The following RPAP3 variants were observed in gnomAD, a reference collection of about 807,000 sequenced individuals.
RPAP3 encodes RNA polymerase II-associated protein 3.
A neutral mutation model predicts 88.8 loss-of-function variants in RPAP3; 58 were observed. The observed-to-expected ratio is 0.65, with a 90% CI of 0.53 to 0.81. The LOEUF is 0.81. RPAP3 is among the 40% of genes least tolerant of loss of function. The probability of loss-of-function intolerance (pLI) is 0.00; values close to 1 mark genes in which losing one functional copy is unlikely to be tolerated. For missense variants in RPAP3, 751 were observed against 764.3 expected, an observed-to-expected ratio of 0.98 and a Z score of 0.20; for synonymous variants, 255 against 259.9, an observed-to-expected ratio of 0.98 and a Z score of 0.18.
chr12:47,666,275 A>T (rs1413300036), intron 16 of RPAP3, among the ~76,000 whole-genome samples: 2 of 152,230 alleles, frequency 1.3e-5, no homozygotes, highest in Admixed American at 1.3e-4. Flanking sequence ...GTGATGTGGA[A>T]ATAAAAAAGA....
At chr12:47,678,737 A>T (rs112834082) in intron 12 of RPAP3, among the ~76,000 whole-genome samples, 1 of 152,358 alleles carries the variant, frequency 6.6e-6, no homozygotes, top group African/African-American at 2.4e-5. Context: ...ATCATTAAAA[A>T]GTCAGGAAAC....
At chr12:47,701,033 G>A (rs1431876747) in intron 3 of RPAP3, among the ~76,000 whole-genome samples, 2 of 152,072 alleles carry the variant, frequency 1.3e-5, no homozygotes, top group African/African-American at 4.8e-5. Context: ...CTTAATTGCG[G>A]CTGGGTTATC....
intron 12 of RPAP3, among the ~76,000 whole-genome samples, chr12:47,671,441 ACTT>A (rs1228416742): frequency 1.3e-5 from 2 of 152,214 alleles, no homozygotes; most frequent in Non-Finnish European, 2.9e-5. Context: ...AAATATAAGC[ACTT>A]CTTCTTCTGC....
At chr12:47,670,023 C>A in intron 13 of RPAP3, 84 bp downstream of exon 13, 2 of 902,752 alleles carry the variant, frequency 2.2e-6, no homozygotes, top group Admixed American at 2.0e-5. Flanking sequence ...ATGATGAGTA[C>A]AAATCAGAAG....
intron 3 of RPAP3, chr12:47,700,167 T>C (rs1275647009): frequency 6.6e-6 from 1 of 152,032 alleles, no homozygotes; most frequent in Non-Finnish European, 1.5e-5. Context: ...GGTGTACACT[T>C]GAGTAAAAAT....
intron 14 of RPAP3, among the ~76,000 whole-genome samples, chr12:47,668,282 G>A (rs549803789): frequency 5.3e-5 from 8 of 152,282 alleles, no homozygotes; most frequent in South Asian, 4.1e-4. Flanking sequence ...ATAGAAGAAT[G>A]AAAGTTACAG....
intron 7 of RPAP3, 117 bp from the exon 8 acceptor site, chr12:47,688,118 CAAAA>C (rs1054115388): frequency 2.2e-6 from 2 of 900,416 alleles, no homozygotes; most frequent in African/African-American, 1.7e-5. Context: ...TTTAAATAAT[CAAAA>C]TAACATTTTC....
Position 47,670,273 on chromosome 12 carries a change from T to TA in RPAP3, c.1359dup (p.Thr454TyrfsTer8), listed in dbSNP as rs1356030616. ...GGATTATTCTCTGGAGCAGCAGCAGTAGTGCTATCTGGCACATCAATAGTC... is the reference window on the plus strand; with the variant it reads ...GGATTATTCTCTGGAGCAGCAGCAGTAAGTGCTATCTGGCACATCAATAGTC... On this transcript the variant is annotated frameshift_variant, in exon 13 of 17. Coordinates refer to ENST00000005386, the MANE Select transcript of RPAP3 (RefSeq NM_024604.3). LOFTEE classifies it high-confidence loss of function. 6.2e-7 allele frequency: 1 copy of TA among 1,613,502 alleles called. No individual in the cohort carries two copies. The highest frequency in any genetic ancestry group is 1.7e-5 in the Admixed American group (1 of 60,004).
chr12:47,677,480 T>C (rs1052716043), intron 12 of RPAP3, among the ~76,000 whole-genome samples: 9 of 152,112 alleles, frequency 5.9e-5, no homozygotes, highest in African/African-American at 1.2e-4. Context: ...CATGATTGTA[T>C]ATTTAGAAAA....
chr12:47,679,562 G>A lies in RPAP3; in HGVS notation c.1218C>T (p.Val406=). 1 of 1,606,202 alleles carries A rather than the reference G, an allele frequency of 6.2e-7. No homozygotes were observed. Residue 406 remains valine (V), a synonymous_variant, in exon 12 of 17, where the codon GTC becomes GTT. Transcript: ENST00000005386. ...ELIEKGHWDD[V]FLDSTQRQNV... ...TTTGTCTTTGTGTGGAATCAAGAAA[G>A]ACATCATCCCAGTGTCCTTTCTCAA...
At chr12:47,701,379 T>C (rs776043744) in intron 3 of RPAP3, 85 bp downstream of exon 3, 7 of 976,668 alleles carry the variant, frequency 7.2e-6, no homozygotes, top group African/African-American at 1.7e-5. Flanking sequence ...AACTCTACAT[T>C]ATTTTTCACT....
chr12:47,669,040 A>G lies in RPAP3; in HGVS notation c.1589T>C (p.Ile530Thr), dbSNP rs773883246. 5.0e-6 allele frequency: 8 copies of G among 1,613,818 alleles called. No homozygotes were observed. The highest frequency in any genetic ancestry group is 6.8e-6 in the Non-Finnish European group (8 of 1,179,852). The change falls in exon 14 of 17, where the codon ATA becomes ACA. Residue 530 changes from isoleucine (I) to threonine (T), a missense_variant. Ile to Thr is a moderately conservative substitution (Grantham distance 89, BLOSUM62 -1). Transcript: ENST00000005386. Reference sequence around the variant, plus strand: ...GGCAAACTGAGCAGGTTTTTGTTCTATCTCTATGGGCATTTTCTCGCTGTA... The same window carrying G: ...GGCAAACTGAGCAGGTTTTTGTTCTGTCTCTATGGGCATTTTCTCGCTGTA... ...QSYSEKMPIE[I>T]EQKPAQFATT...
chr12:47,670,994 T>A (rs1938986383), intron 12 of RPAP3, among the ~76,000 whole-genome samples: 1 of 152,178 alleles, frequency 6.6e-6, no homozygotes, highest in Non-Finnish European at 1.5e-5. Context: ...AGCAGCTGGA[T>A]AAAACTAGCC....
In RPAP3 at chr12:47,701,602, ATTCT is replaced by A; in HGVS notation, c.154-2_155del. ...AATTCCCATTTCGAATAGGAGGTAA[ATTCT>A]AAGGAGGGAAAAAAAAACACAAAGT... On this transcript the variant is annotated splice_acceptor_variant and coding_sequence_variant, in exon 3 of 17. Coordinates refer to ENST00000005386, the MANE Select transcript of RPAP3 (RefSeq NM_024604.3). LOFTEE classifies it high-confidence loss of function. 6.3e-7 allele frequency: 1 copy of A among 1,577,940 alleles called. No individual in the cohort carries two copies. Among genetic ancestry groups the A allele is most frequent in the African/African-American group, 1.4e-5 (1 of 72,908 alleles).
rs750153716 is a variant in RPAP3 at position 47,702,823 on chromosome 12, T to C, written c.18A>G (p.Lys6=). ...TCACTTGTAGTTGTAATTCGATTGC[T>C]TTATTTGCTGAAGTCATTATGGTCT... MTSAN[K]AIELQLQVKQ... Residue 6 remains lysine, a synonymous_variant, in exon 2 of 17, where the codon AAA becomes AAG. Transcript: ENST00000005386. 10 of 1,613,262 alleles carry C rather than the reference T, an allele frequency of 6.2e-6. No individual in the cohort carries two copies. The highest frequency in any genetic ancestry group is 1.7e-4 in the Middle Eastern group (1 of 6,058).
intron 9 of RPAP3, among the ~76,000 whole-genome samples, chr12:47,684,727 A>C (rs1264982592): frequency 6.6e-6 from 1 of 152,204 alleles, no homozygotes; most frequent in Non-Finnish European, 1.5e-5. Flanking sequence ...AGAAGGCATT[A>C]CTCTTAGCAT....
rs1256157397 is a variant in RPAP3 at position 47,698,472 on chromosome 12, CTTAT to C, written c.295-757_295-754del. Among the ~76,000 whole-genome samples the C allele has an allele frequency of 1.3e-5, 2 of 152,074 alleles. 1 individual carries two copies. The highest frequency in any genetic ancestry group is 2.9e-5 in the Non-Finnish European group (2 of 68,008). On this transcript the variant is annotated intron_variant, in intron 3 of 16. Coordinates refer to ENST00000005386, the MANE Select transcript of RPAP3 (RefSeq NM_024604.3). ...CATAGACCTCCACCAGAATTTTCCT[CTTAT>C]TTTTTATATGATAAAACAATGATTT...
At chr12:47,696,194 ACTTTAT>A in intron 5 of RPAP3, 76 bp downstream of exon 5, 1 of 1,192,680 alleles carries the variant, frequency 8.4e-7, no homozygotes, top group South Asian at 2.5e-5. Context: ...TGTCCTCCAC[ACTTTAT>A]TCCACACTTT....
intron 12 of RPAP3, among the ~76,000 whole-genome samples, chr12:47,671,214 C>T (rs973683482): frequency 6.6e-6 from 1 of 152,018 alleles, no homozygotes; most frequent in African/African-American, 2.4e-5. Flanking sequence ...CACAGAAATA[C>T]ACTGAGGAGC....
Sources: gnomAD v4.1 joint callset for allele counts (sites outside exome capture counted in the v4.1 genomes callset) on GRCh38, gnomAD v4.1.1 for gene constraint, MANE v1.5 for transcripts, NCBI Gene and HGNC (gene_info 2026-07-23, HGNC 2026-07-21) for gene names.